HMBOX1: variants seen among roughly 807,000 people sequenced by gnomAD.
HMBOX1 encodes homeobox containing 1.
A neutral mutation model predicts 54.5 loss-of-function variants in HMBOX1; 14 were observed. The observed-to-expected ratio is 0.26, with a 90% confidence interval of 0.17 to 0.40. The LOEUF (loss-of-function observed/expected upper bound fraction) is 0.40. HMBOX1 is among the 10% of genes least tolerant of loss of function. The pLI is 1.00. For synonymous variants in HMBOX1, 160 were observed against 181.0 expected (o/e 0.88, Z 0.93); for missense variants, 332 against 514.4 (o/e 0.65, Z 3.43).
intron 6 of HMBOX1, among the ~76,000 whole-genome samples, chr8:29,023,542 AC>A (rs1389597043): frequency 6.6e-6 from 1 of 151,330 alleles, no homozygotes. Flanking sequence ...AGCTGGGACT[AC>A]AGGCATGTGC....
At chr8:28,991,754 G>C (rs75278709) in intron 4 of HMBOX1, among the ~76,000 whole-genome samples, 1 of 152,052 alleles carries the variant, frequency 6.6e-6, no homozygotes, top group Non-Finnish European at 1.5e-5. Context: ...AGTTTTTGTA[G>C]GACAGTCTTC....
chr8:28,916,326 G>A (rs1585765137), intron 1 of HMBOX1, among the ~76,000 whole-genome samples: 1 of 152,274 alleles, frequency 6.6e-6, no homozygotes, highest in East Asian at 1.9e-4. Context: ...GAAATGTACT[G>A]AATAGTATGT....
intron 2 of HMBOX1, among the ~76,000 whole-genome samples, chr8:28,966,645 T>C (rs1296258431): frequency 2.6e-5 from 4 of 152,162 alleles, no homozygotes; most frequent in Non-Finnish European, 4.4e-5. Context: ...ATGCCTTTGT[T>C]TATATTAATA....
chr8:28,937,263 T>G (rs576778636), intron 1 of HMBOX1, among the ~76,000 whole-genome samples: 19 of 152,216 alleles, frequency 1.2e-4, no homozygotes, highest in Non-Finnish European at 2.6e-4. Context: ...GAAATTCTGT[T>G]TTTCTCATTA....
intron 9 of HMBOX1, 27 bp from the exon 10 acceptor site, chr8:29,050,991 T>C (rs1280131589): frequency 1.2e-6 from 2 of 1,603,554 alleles, no homozygotes; most frequent in Admixed American, 1.7e-5. Flanking sequence ...AATCCACTAA[T>C]AACATTTCTT....
chr8:28,992,393 A>G (rs944204185), intron 4 of HMBOX1, among the ~76,000 whole-genome samples: 3 of 152,192 alleles, frequency 2.0e-5, no homozygotes, highest in Non-Finnish European at 4.4e-5. Context: ...TCAGCAGGCA[A>G]TCATTTTTCA....
intron 4 of HMBOX1, among the ~76,000 whole-genome samples, chr8:28,993,655 T>TA (rs915493096): frequency 1.5e-4 from 23 of 151,724 alleles, no homozygotes; most frequent in African/African-American, 3.4e-4. Flanking sequence ...AGTTCTGTAT[T>TA]AAAAAAAAAT....
chr8:28,986,271 ATAT>A (rs35508875), intron 4 of HMBOX1, among the ~76,000 whole-genome samples: 87,198 of 151,698 alleles, frequency 0.57, 26,121 homozygotes, highest in East Asian at 0.69. Flanking sequence ...GCACTGAATT[ATAT>A]TCCATTGTCT....
chr8:29,051,253 A>T lies in HMBOX1; in HGVS notation c.*98A>T. On this transcript the variant is annotated 3_prime_UTR_variant, in exon 10 of 10. Transcript: ENST00000287701. ...CATGTGTTCTTACAGTATAACTTGC[A>T]GTTTCTTGTATGTCAGGTAGCTGTT... 7.4e-7 allele frequency: 1 copy of T among 1,351,530 alleles called. No individual in the cohort carries two copies. Among genetic ancestry groups the T allele is most frequent in the Non-Finnish European group, 1.0e-6 (1 of 976,568 alleles). 83.7% of individuals were successfully genotyped at this position (1,351,530 alleles called of 1,614,324 possible). A position where few individuals can be genotyped will look rare whatever the true frequency, so the allele number is the denominator to read the frequency against.
chr8:29,049,096 G>T, intron 9 of HMBOX1, 48 bp downstream of exon 9: 3 of 1,539,286 alleles, frequency 1.9e-6, no homozygotes, highest in Non-Finnish European at 1.8e-6. Context: ...TGAGCAGGGG[G>T]TATAGTGGGA....
intron 1 of HMBOX1, among the ~76,000 whole-genome samples, chr8:28,908,737 G>A (rs996194892): frequency 6.6e-6 from 1 of 152,168 alleles, no homozygotes; most frequent in Non-Finnish European, 1.5e-5. Context: ...TTGGACTCCA[G>A]CCTGGGCGAC....
intron 1 of HMBOX1, among the ~76,000 whole-genome samples, chr8:28,910,530 T>A (rs999485894): frequency 6.6e-6 from 1 of 152,230 alleles, no homozygotes; most frequent in African/African-American, 2.4e-5. Flanking sequence ...CGCAGTTTCT[T>A]CACATCCTTG....
chr8:29,037,128 A>T (rs1374819555), intron 6 of HMBOX1, among the ~76,000 whole-genome samples: 1 of 152,170 alleles, frequency 6.6e-6, no homozygotes, highest in Non-Finnish European at 1.5e-5. Flanking sequence ...ACTCATGTAT[A>T]TTTTAGCTTG....
At chr8:28,948,859 C>A (rs1326961846) in intron 1 of HMBOX1, among the ~76,000 whole-genome samples, 1 of 152,038 alleles carries the variant, frequency 6.6e-6, no homozygotes, top group Non-Finnish European at 1.5e-5. Context: ...GGTTGGGAAA[C>A]TTCTGGGGTA....
intron 1 of HMBOX1, among the ~76,000 whole-genome samples, chr8:28,929,744 G>A (rs1474793054): frequency 1.3e-5 from 2 of 152,078 alleles, no homozygotes; most frequent in African/African-American, 4.8e-5. Context: ...GGAAATTTCC[G>A]AGTTGGAGAA....
At chr8:28,909,799 T>G (rs1815059650) in intron 1 of HMBOX1, among the ~76,000 whole-genome samples, 1 of 152,200 alleles carries the variant, frequency 6.6e-6, no homozygotes, top group African/African-American at 2.4e-5. Flanking sequence ...GCTCAATGAC[T>G]TCTAGTGAAT....
intron 1 of HMBOX1, among the ~76,000 whole-genome samples, chr8:28,933,288 C>A (rs1162529060): frequency 6.6e-6 from 1 of 152,152 alleles, no homozygotes; most frequent in African/African-American, 2.4e-5. Context: ...ACATCAGGTC[C>A]CTATGTGAAT....
chr8:29,051,397 A>T lies in HMBOX1; in HGVS notation c.*242A>T, dbSNP rs1160212672. 1.5e-6 allele frequency: 1 copy of T among 647,474 alleles called. No individual in the cohort carries two copies. Among genetic ancestry groups the T allele is most frequent in the Non-Finnish European group, 2.8e-6 (1 of 355,934 alleles). 40.1% of individuals were successfully genotyped at this position (647,474 alleles called of 1,614,324 possible). The stretch of plus-strand genomic sequence containing the variant: ...CCAAACTTCCCTCTCCCAGCCCCCG[A>T]GGCTAGAAAATCTTGCTGCTCCGTC... On this transcript the variant is annotated 3_prime_UTR_variant, in exon 10 of 10. Transcript: ENST00000287701.
intron 1 of HMBOX1, among the ~76,000 whole-genome samples, chr8:28,924,925 T>C (rs1818184240): frequency 6.6e-6 from 1 of 151,410 alleles, no homozygotes; most frequent in South Asian, 2.1e-4. Flanking sequence ...TTTTTTTTTT[T>C]TTTTTTCTAA....
Sources: allele counts gnomAD v4.1 joint callset (sites outside exome capture counted in the v4.1 genomes callset), GRCh38; gene constraint gnomAD v4.1.1; transcripts MANE v1.5; gene names NCBI Gene and HGNC (gene_info 2026-07-23, HGNC 2026-07-21).